The following ADAM22 variants were observed in gnomAD, a reference collection of about 807,000 sequenced individuals.
ADAM22 encodes the protein ADAM metallopeptidase domain 22, also known as disintegrin and metalloproteinase domain-containing protein 22.
A neutral mutation model predicts 144.6 loss-of-function variants in ADAM22; 65 were observed. The ratio of observed to expected loss-of-function variants is 0.45; its 90% confidence interval spans 0.37 to 0.55. The LOEUF is 0.55. Among genes scored for constraint, ADAM22 ranks in the 20% least tolerant of loss-of-function variants. The pLI is 0.00. For missense variants in ADAM22, 974 were observed against 1,184.9 expected (o/e 0.82, Z 2.61); for synonymous variants, 391 against 412.6 (o/e 0.95, Z 0.63).
intron 22 of ADAM22, 76 bp downstream of exon 22, chr7:88,156,082 T>C: frequency 6.5e-7 from 1 of 1,530,356 alleles, no homozygotes; most frequent in Non-Finnish European, 9.0e-7. Context: ...CCTTCCGTTT[T>C]CAATTAATGT....
At chr7:88,142,040 A>AT (rs1008485469) in intron 14 of ADAM22, among the ~76,000 whole-genome samples, 7 of 152,060 alleles carry the variant, frequency 4.6e-5, no homozygotes, top group African/African-American at 7.2e-5. Flanking sequence ...TTAAGAATAC[A>AT]TTTTTTTAAA....
At chr7:88,134,175 T>C (rs1586040838) in intron 12 of ADAM22, among the ~76,000 whole-genome samples, 154 bp from the exon 13 acceptor site, 1 of 152,330 alleles carries the variant, frequency 6.6e-6, no homozygotes, top group Middle Eastern at 3.4e-3. Context: ...TTTTCCCAAA[T>C]GCATATTCAG....
At chr7:88,002,468 G>T (rs1056859346) in intron 3 of ADAM22, among the ~76,000 whole-genome samples, 1 of 152,158 alleles carries the variant, frequency 6.6e-6, no homozygotes, top group Non-Finnish European at 1.5e-5. Flanking sequence ...TGAGGGAGGG[G>T]TGATTTCCCC....
At chr7:88,083,843 C>G (rs1817672472) in intron 4 of ADAM22, among the ~76,000 whole-genome samples, 1 of 151,920 alleles carries the variant, frequency 6.6e-6, no homozygotes. Flanking sequence ...ATATTACTGC[C>G]TCCCTACAGA....
At chr7:88,001,612 T>C (rs1792574005) in intron 3 of ADAM22, among the ~76,000 whole-genome samples, 1 of 152,036 alleles carries the variant, frequency 6.6e-6, no homozygotes, top group South Asian at 2.1e-4. Flanking sequence ...CCTGTGTTTA[T>C]ATCTGGGGAG....
At chr7:88,025,060 T>C (rs939682359) in intron 3 of ADAM22, among the ~76,000 whole-genome samples, 1 of 152,184 alleles carries the variant, frequency 6.6e-6, no homozygotes. Flanking sequence ...CTTTTGGGTA[T>C]ATACCCAGTA....
intron 2 of ADAM22, among the ~76,000 whole-genome samples, chr7:87,962,876 A>G (rs1379259131): frequency 6.6e-6 from 1 of 152,200 alleles, no homozygotes; most frequent in Non-Finnish European, 1.5e-5. Flanking sequence ...CATTCAGTTT[A>G]GGAAGGGGTG....
chr7:88,110,502 GGACCT>G (rs1465622560), intron 5 of ADAM22, among the ~76,000 whole-genome samples: 1 of 151,950 alleles, frequency 6.6e-6, no homozygotes, highest in Non-Finnish European at 1.5e-5. Flanking sequence ...GGCTATAAAT[GGACCT>G]GAGAACCTAA....
chr7:88,075,098 T>C (rs969310273), intron 3 of ADAM22, among the ~76,000 whole-genome samples: 2 of 152,126 alleles, frequency 1.3e-5, no homozygotes, highest in African/African-American at 4.8e-5. Context: ...AACATGTAAA[T>C]GTTGTTTAGG....
chr7:88,065,724 T>C (rs1180960807), intron 3 of ADAM22, among the ~76,000 whole-genome samples: 2 of 152,130 alleles, frequency 1.3e-5, no homozygotes, highest in African/African-American at 4.8e-5. Context: ...TTTTTTAAAT[T>C]GCTTTAAAAT....
At chr7:88,077,401 C>T (rs1478230083) in intron 4 of ADAM22, among the ~76,000 whole-genome samples, 2 of 152,186 alleles carry the variant, frequency 1.3e-5, no homozygotes, top group Non-Finnish European at 1.5e-5. Flanking sequence ...CTCCAGTCTA[C>T]AGCTCCCAGC....
chr7:87,936,029 A>C (rs1314644675), intron 2 of ADAM22, among the ~76,000 whole-genome samples: 1 of 152,186 alleles, frequency 6.6e-6, no homozygotes, highest in Non-Finnish European at 1.5e-5. Flanking sequence ...TGTACTTGAA[A>C]ATTTTTGTAA....
At chr7:88,066,075 T>C (rs1811173694) in intron 3 of ADAM22, among the ~76,000 whole-genome samples, 1 of 152,184 alleles carries the variant, frequency 6.6e-6, no homozygotes, top group South Asian at 2.1e-4. Context: ...GAGGACAGTA[T>C]TTGACTGTCA....
intron 3 of ADAM22, among the ~76,000 whole-genome samples, chr7:87,990,796 G>A (rs1789644995): frequency 6.6e-6 from 1 of 152,044 alleles, no homozygotes; most frequent in Non-Finnish European, 1.5e-5. Flanking sequence ...CCGAGTAGCT[G>A]GGATTACAGG....
At chr7:88,040,375 A>G (rs1585189221) in intron 3 of ADAM22, among the ~76,000 whole-genome samples, 1 of 151,540 alleles carries the variant, frequency 6.6e-6, no homozygotes, top group African/African-American at 2.4e-5. Flanking sequence ...TAGGTGATCC[A>G]CCCGCCTCAG....
At chr7:88,173,744 A>G (rs1261007299) in intron 26 of ADAM22, among the ~76,000 whole-genome samples, 3 of 152,134 alleles carry the variant, frequency 2.0e-5, no homozygotes, top group African/African-American at 7.2e-5. Context: ...GTCCACAAGG[A>G]ATCAGAAATC....
At chr7:88,164,149 T>G (rs951180934) in intron 23 of ADAM22, among the ~76,000 whole-genome samples, 5 of 152,144 alleles carry the variant, frequency 3.3e-5, no homozygotes, top group African/African-American at 1.2e-4. Flanking sequence ...GTCTTCCAAG[T>G]CTTCTTTTCT....
intron 2 of ADAM22, among the ~76,000 whole-genome samples, chr7:87,954,263 T>C (rs1302405714): frequency 6.6e-6 from 1 of 152,218 alleles, no homozygotes; most frequent in Non-Finnish European, 1.5e-5. Flanking sequence ...TTTGGCATGA[T>C]TTTGCAGTGG....
In ADAM22 at chr7:88,147,192, G is replaced by A. The variant is rs551810071; in HGVS notation, c.1485+1685G>A. ...CTCAAAGTAAGTTATAGCTGTACCAGTCAAGAGTCAAGTGAGATCTTTTTT... is the reference window on the plus strand; with the variant it reads ...CTCAAAGTAAGTTATAGCTGTACCAATCAAGAGTCAAGTGAGATCTTTTTT... On this transcript the variant is annotated intron_variant, in intron 17 of 31. Coordinates refer to ENST00000413139, the MANE Select transcript of ADAM22 (RefSeq NM_001324418.2). Among the ~76,000 whole-genome samples the A allele has an allele frequency of 9.1e-4, 139 of 152,324 alleles. 1 individual carries two copies. The highest frequency in any genetic ancestry group is 3.2e-3 in the African/African-American group (132 of 41,576).
Sources: allele counts gnomAD v4.1 joint callset (sites outside exome capture counted in the v4.1 genomes callset), GRCh38; gene constraint gnomAD v4.1.1; transcripts MANE v1.5; gene names NCBI Gene and HGNC (gene_info 2026-07-23, HGNC 2026-07-21).